ALOX5AP: variants seen among roughly 807,000 people sequenced by gnomAD.
The protein encoded by ALOX5AP is arachidonate 5-lipoxygenase-activating protein.
A neutral mutation model predicts 18.5 loss-of-function variants in ALOX5AP; 9 were observed. That is an observed-to-expected ratio of 0.49 (90% CI 0.29 to 0.85). The LOEUF (loss-of-function observed/expected upper bound fraction) is 0.85. Ranked by LOEUF, ALOX5AP falls within the 40% of genes least tolerant of loss-of-function variation. The pLI is 0.08. For synonymous variants in ALOX5AP, 81 were observed against 78.6 expected, an observed-to-expected ratio of 1.03 and a Z score of -0.16; for missense variants, 172 against 202.5, an observed-to-expected ratio of 0.85 and a Z score of 0.91.
At chr13:30,738,491 G>T (rs1192720020) in intron 1 of ALOX5AP, among the ~76,000 whole-genome samples, 6 of 152,202 alleles carry the variant, frequency 3.9e-5, no homozygotes, top group African/African-American at 1.4e-4. Flanking sequence ...GGCCAGCAAG[G>T]AGACAGGAGT....
chr13:30,751,915 A>T, intron 2 of ALOX5AP, 137 bp from the exon 3 acceptor site: 1 of 810,272 alleles, frequency 1.2e-6, no homozygotes, highest in Non-Finnish European at 2.0e-6. Flanking sequence ...TATTGGGTAG[A>T]TGTAAGTGGA....
chr13:30,736,551 G>T (rs1951723576), intron 1 of ALOX5AP, among the ~76,000 whole-genome samples: 1 of 152,194 alleles, frequency 6.6e-6, no homozygotes. Flanking sequence ...GCTTTATGGT[G>T]ATTACTGAAC....
At chr13:30,739,951 C>T (rs545388661) in intron 1 of ALOX5AP, among the ~76,000 whole-genome samples, 23 of 152,304 alleles carry the variant, frequency 1.5e-4, no homozygotes, top group Non-Finnish European at 2.9e-4. Flanking sequence ...AATCTGCAGC[C>T]CTATGCGTTT....
intron 1 of ALOX5AP, among the ~76,000 whole-genome samples, chr13:30,714,086 A>G (rs1951530145): frequency 1.3e-5 from 2 of 152,062 alleles, no homozygotes; most frequent in Admixed American, 1.3e-4. Flanking sequence ...CATACACTAA[A>G]GGAACTCTCT....
Position 30,723,262 on chromosome 13 carries a change from T to C in ALOX5AP, c.116+9421T>C, listed in dbSNP as rs1029260233. On this transcript the variant is annotated intron_variant, in intron 1 of 5. Transcript: ENST00000617770. ...AGCAGAAAATACAGAGAGACTAATG[T>C]GTTGATGATTTTTGTGAGGGACATA... 9.2e-5 allele frequency among the ~76,000 whole-genome samples: 14 copies of C among 152,196 alleles called. No individual in the cohort carries two copies. The East Asian group carries it at 1.7e-3, about 19-fold the overall frequency.
intron 2 of ALOX5AP, among the ~76,000 whole-genome samples, chr13:30,748,760 G>A (rs1055166847): frequency 3.9e-5 from 6 of 152,248 alleles, no homozygotes; most frequent in Non-Finnish European, 8.8e-5. Flanking sequence ...GTCTAGGGAA[G>A]TAATTACTAA....
chr13:30,749,498 G>T (rs2137819925), intron 2 of ALOX5AP, among the ~76,000 whole-genome samples: 1 of 152,318 alleles, frequency 6.6e-6, no homozygotes, highest in Non-Finnish European at 1.5e-5. Flanking sequence ...TCTCAGTCCT[G>T]AGGCTGCAAT....
At chr13:30,726,539 G>A (rs1028742961) in intron 1 of ALOX5AP, among the ~76,000 whole-genome samples, 4 of 152,086 alleles carry the variant, frequency 2.6e-5, no homozygotes, top group African/African-American at 9.7e-5. Flanking sequence ...CATGAACATG[G>A]GGAATTCCAA....
At chr13:30,756,131 T>C in intron 4 of ALOX5AP, 106 bp downstream of exon 4, 3 of 1,074,196 alleles carry the variant, frequency 2.8e-6, no homozygotes, top group Non-Finnish European at 4.2e-6. Flanking sequence ...CTCCGTAGCA[T>C]CCCCTTGGGT....
upstream of ALOX5AP, among the ~76,000 whole-genome samples, chr13:30,731,927 C>A (rs1310890512): frequency 1.3e-5 from 2 of 152,232 alleles, no homozygotes; most frequent in Non-Finnish European, 2.9e-5. Context: ...TCTCCCGGTG[C>A]CCCTTGTCTT....
Position 30,713,834 on chromosome 13 carries a change from C to T in ALOX5AP, c.109C>T (p.Gln37Ter), listed in dbSNP as rs761871620. ...GGGGCACATTGGGAACATAAGCCAT[C>T]AGTGCTGGTGTGTGTGTGTGTGCGC... Residue 37 changes from glutamine (Q) to a stop codon, truncating the protein, a stop_gained, in exon 1 of 6, where the codon CAG (glutamine) becomes TAG (stop). Transcript: ENST00000617770. LOFTEE classifies it high-confidence loss of function. The T allele has an allele frequency of 6.6e-7, 1 of 1,511,868 alleles. No homozygotes were observed. The highest frequency in any genetic ancestry group is 2.5e-5 in the East Asian group (1 of 40,118). 93.7% of individuals were successfully genotyped at this position (1,511,868 alleles called of 1,614,324 possible). A position where few individuals can be genotyped will look rare whatever the true frequency, so the allele number is the denominator to read the frequency against.
intron 1 of ALOX5AP, among the ~76,000 whole-genome samples, chr13:30,737,577 G>A (rs1391432689): frequency 2.0e-5 from 3 of 152,222 alleles, no homozygotes; most frequent in Non-Finnish European, 4.4e-5. Flanking sequence ...CACTAACAGA[G>A]TTCCCGGAAG....
intron 2 of ALOX5AP, among the ~76,000 whole-genome samples, chr13:30,747,195 AAGAC>A (rs1456926504): frequency 2.0e-5 from 3 of 152,210 alleles, no homozygotes; most frequent in African/African-American, 4.8e-5. Flanking sequence ...ATTCTTTTGA[AAGAC>A]AGAGTCACAC....
chr13:30,742,601 G>A (rs10162089), intron 1 of ALOX5AP: 69,257 of 151,932 alleles, frequency 0.46, 16,042 homozygotes, highest in African/African-American at 0.49. Context: ...ACGTAAGAGA[G>A]CCCTACAGAT....
intron 1 of ALOX5AP, among the ~76,000 whole-genome samples, chr13:30,738,893 C>T (rs1374668511): frequency 6.6e-6 from 1 of 152,034 alleles, no homozygotes; most frequent in African/African-American, 2.4e-5. Flanking sequence ...GAGCATAGTG[C>T]TAAGGAGGGA....
intron 4 of ALOX5AP, among the ~76,000 whole-genome samples, chr13:30,756,596 G>A (rs1253299225): frequency 1.3e-5 from 2 of 152,058 alleles, no homozygotes; most frequent in African/African-American, 4.8e-5. Flanking sequence ...ATCACCTGAG[G>A]TCAGGAGTTT....
At chr13:30,726,801 G>A (rs1951642816) in intron 1 of ALOX5AP, among the ~76,000 whole-genome samples, 1 of 152,030 alleles carries the variant, frequency 6.6e-6, no homozygotes, top group Non-Finnish European at 1.5e-5. Flanking sequence ...GAGTAGCTGG[G>A]ACTACAGGCA....
intron 1 of ALOX5AP, 89 bp from the exon 2 acceptor site, chr13:30,743,971 G>T: frequency 9.2e-7 from 1 of 1,087,156 alleles, no homozygotes. Context: ...TCAAGTCAAG[G>T]AGGCATTTAA....
intron 2 of ALOX5AP, among the ~76,000 whole-genome samples, chr13:30,745,981 T>C (rs4147064): frequency 0.5 from 75,591 of 152,076 alleles, 19,182 homozygotes; most frequent in East Asian, 0.62. Flanking sequence ...CCATATCTGG[T>C]TAGAAGTTAA....
Sources: gnomAD v4.1 joint callset for allele counts (sites outside exome capture counted in the v4.1 genomes callset) on GRCh38, gnomAD v4.1.1 for gene constraint, MANE v1.5 for transcripts, NCBI Gene and HGNC (gene_info 2026-07-23, HGNC 2026-07-21) for gene names.